Variants in HECW2 observed in about 807,000 individuals in gnomAD.
HECW2 encodes HECT, C2 and WW domain containing E3 ubiquitin protein ligase 2, also known as E3 ubiquitin-protein ligase HECW2.
HECW2 carries 61 observed loss-of-function variants against 175.2 expected under a neutral mutation model. The observed-to-expected ratio is 0.35, with a 90% CI of 0.28 to 0.43. HECW2 has a LOEUF of 0.43. Ranked by LOEUF, HECW2 falls within the 20% of genes least tolerant of loss-of-function variation. The probability of loss-of-function intolerance (pLI) is 1.00; values close to 1 mark genes in which losing one functional copy is unlikely to be tolerated. For missense variants in HECW2, 1,524 were observed against 2,000.5 expected (o/e 0.76, Z 4.54); for synonymous variants, 671 against 731.0 (o/e 0.92, Z 1.32).
At chr2:196,471,343 T>G (rs970041208) in intron 1 of HECW2, among the ~76,000 whole-genome samples, 11 of 152,088 alleles carry the variant, frequency 7.2e-5, no homozygotes, top group Non-Finnish European at 1.3e-4. Flanking sequence ...GCAGAGAAAA[T>G]GGAACACTTA....
At chr2:196,374,048 A>ATAG (rs1216763363) in intron 2 of HECW2, among the ~76,000 whole-genome samples, 1 of 151,710 alleles carries the variant, frequency 6.6e-6, no homozygotes, top group Admixed American at 6.6e-5. Context: ...AATAAAATAA[A>ATAG]ATAAATAAAT....
rs73988168 is a variant in HECW2, at chr2:196,328,585, C to T, written c.571+990G>A. On this transcript the variant is annotated intron_variant, in intron 5 of 28. Transcript: ENST00000644978. ...TCTGTTTCAGGATCAGGTCTTTTAA[C>T]GCTCACTCTCACAACACGTTTTTTG... 1.3e-4 allele frequency among the ~76,000 whole-genome samples: 20 copies of T among 152,142 alleles called. No individual in the cohort carries two copies. In the East Asian group the frequency reaches 3.5e-3, roughly 26 times the overall value.
chr2:196,544,960 G>A (rs1183587016), intron 1 of HECW2, among the ~76,000 whole-genome samples: 2 of 152,196 alleles, frequency 1.3e-5, no homozygotes, highest in African/African-American at 4.8e-5. Context: ...CACATTCTGA[G>A]TAGACCCCTC....
intron 1 of HECW2, among the ~76,000 whole-genome samples, chr2:196,543,850 G>A (rs544669440): frequency 1.3e-5 from 2 of 152,206 alleles, no homozygotes; most frequent in African/African-American, 4.8e-5. Flanking sequence ...CAGACCTCGT[G>A]ATCTGCCCGC....
intron 26 of HECW2, chr2:196,217,443 A>G (rs985249611): frequency 5.2e-6 from 1 of 190,914 alleles, no homozygotes; most frequent in African/African-American, 2.4e-5. Context: ...CACATAAGAA[A>G]TAATTTTCAA....
chr2:196,266,973 C>T (rs1689542140), intron 17 of HECW2, among the ~76,000 whole-genome samples: 1 of 152,116 alleles, frequency 6.6e-6, no homozygotes, highest in Non-Finnish European at 1.5e-5. Context: ...TTTCTTGACT[C>T]CCAAGTTACT....
In HECW2 at chr2:196,521,647, C is replaced by A. The variant is rs1252533078; in HGVS notation, c.-36+71861G>T. ...TCCCTCCCCCCTCCCCCCACCCCAC[C>A]ACAGTCCCCAGAGTTTGATATTCCC... is the stretch of plus-strand genomic sequence containing the variant. On this transcript the variant is annotated intron_variant, in intron 1 of 28. Transcript: ENST00000644978. Among the ~76,000 whole-genome samples the A allele has an allele frequency of 2.6e-4, 35 of 134,358 alleles. No individual in the cohort carries two copies. In the East Asian group the frequency reaches 5.3e-3, roughly 20 times the overall value. The allele number at this position is 134,358 out of a possible 152,430, so 88.1% of individuals were successfully genotyped here.
intron 1 of HECW2, among the ~76,000 whole-genome samples, chr2:196,497,454 A>G (rs1003807964): frequency 6.6e-6 from 1 of 152,214 alleles, no homozygotes; most frequent in Non-Finnish European, 1.5e-5. Context: ...GGTAGAGTAG[A>G]AGGGAGATTG....
intron 2 of HECW2, among the ~76,000 whole-genome samples, chr2:196,415,780 T>C (rs947366673): frequency 2.0e-5 from 3 of 151,916 alleles, no homozygotes; most frequent in African/African-American, 7.3e-5. Context: ...TCTGTAAAAA[T>C]GAAAGGATTG....
At chr2:196,230,763 T>A (rs1488352448) in intron 21 of HECW2, among the ~76,000 whole-genome samples, 1 of 152,198 alleles carries the variant, frequency 6.6e-6, no homozygotes, top group Non-Finnish European at 1.5e-5. Context: ...TAAACTGCTT[T>A]AACCCAGGAC....
intron 1 of HECW2, among the ~76,000 whole-genome samples, chr2:196,521,951 C>A (rs1297730164): frequency 2.0e-5 from 3 of 151,942 alleles, no homozygotes; most frequent in African/African-American, 4.8e-5. Context: ...ATACATGTGC[C>A]TGTGTCTTTA....
chr2:196,286,864 A>C (rs1170954444), intron 14 of HECW2, among the ~76,000 whole-genome samples: 1 of 152,218 alleles, frequency 6.6e-6, no homozygotes, highest in African/African-American at 2.4e-5. Flanking sequence ...TATCTTGCTA[A>C]GAGACTTTTG....
intron 13 of HECW2, among the ~76,000 whole-genome samples, chr2:196,294,177 T>C (rs1406097744): frequency 6.6e-6 from 1 of 152,040 alleles, no homozygotes; most frequent in African/African-American, 2.4e-5. Context: ...TTAAAGAAGA[T>C]TCCACAAACT....
intron 14 of HECW2, among the ~76,000 whole-genome samples, chr2:196,286,599 T>C (rs1290091370): frequency 6.6e-6 from 1 of 152,174 alleles, no homozygotes; most frequent in Admixed American, 6.6e-5. Context: ...ATCTGCCTTC[T>C]ATGTACACTT....
At chr2:196,340,568 C>G (rs1692710094) in intron 3 of HECW2, among the ~76,000 whole-genome samples, 1 of 128,990 alleles carries the variant, frequency 7.8e-6, no homozygotes, top group Non-Finnish European at 1.6e-5. Flanking sequence ...TGCAGTCCAG[C>G]CTGGGAGACG....
At chr2:196,262,493 C>G (rs1263764758) in intron 17 of HECW2, among the ~76,000 whole-genome samples, 1 of 152,180 alleles carries the variant, frequency 6.6e-6, no homozygotes, top group East Asian at 1.9e-4. Context: ...GGTACACCTT[C>G]TGATTTGGCT....
chr2:196,579,126 T>C (rs1278255180), intron 1 of HECW2, among the ~76,000 whole-genome samples: 1 of 152,118 alleles, frequency 6.6e-6, no homozygotes, highest in Non-Finnish European at 1.5e-5. Context: ...AGTTGATTAA[T>C]CTGAACTAGG....
chr2:196,428,333 T>C (rs1695608251), intron 2 of HECW2, among the ~76,000 whole-genome samples: 1 of 152,192 alleles, frequency 6.6e-6, no homozygotes, highest in African/African-American at 2.4e-5. Context: ...ATACATGCTA[T>C]TGTTACGAAA....
chr2:196,500,547 A>G (rs1394446487), intron 1 of HECW2, among the ~76,000 whole-genome samples: 1 of 152,250 alleles, frequency 6.6e-6, no homozygotes, highest in East Asian at 1.9e-4. Flanking sequence ...AAGAACAATA[A>G]AATTCCAAAA....
Sources: gnomAD v4.1 joint callset for allele counts (sites outside exome capture counted in the v4.1 genomes callset) on GRCh38, gnomAD v4.1.1 for gene constraint, MANE v1.5 for transcripts, NCBI Gene and HGNC (gene_info 2026-07-23, HGNC 2026-07-21) for gene names.